NUP205: variants seen among roughly 807,000 people sequenced by gnomAD.
NUP205 encodes the protein nuclear pore complex protein Nup205.
NUP205 carries 76 observed loss-of-function variants against 253.8 expected under a neutral mutation model. The ratio of observed to expected loss-of-function variants is 0.30; its 90% CI spans 0.25 to 0.36. NUP205 has a LOEUF of 0.36. NUP205 is among the 10% of genes least tolerant of loss of function. The pLI is 1.00. For synonymous variants in NUP205, 832 were observed against 850.1 expected (o/e 0.98, Z 0.37); for missense variants, 2,162 against 2,425.5 (o/e 0.89, Z 2.28).
At chr7:135,614,369 T>G in intron 23 of NUP205, 96 bp downstream of exon 23, 1 of 681,344 alleles carries the variant, frequency 1.5e-6, no homozygotes, top group South Asian at 1.8e-5. Context: ...CTGTTCTCAT[T>G]CTGATACTTT....
chr7:135,611,469 A>G (rs73725190), intron 22 of NUP205, among the ~76,000 whole-genome samples: 5,193 of 152,308 alleles, frequency 0.034, 119 homozygotes, highest in Middle Eastern at 0.1. Context: ...AAAACTGTTT[A>G]AAAGGTCAAT....
intron 35 of NUP205, among the ~76,000 whole-genome samples, chr7:135,632,524 T>A (rs1168124673): frequency 6.6e-6 from 1 of 152,018 alleles, no homozygotes; most frequent in East Asian, 1.9e-4. Flanking sequence ...CCCCAATAAT[T>A]TTTTTTGTCT....
chr7:135,636,290 A>G (rs1472559915), intron 36 of NUP205, among the ~76,000 whole-genome samples: 1 of 152,062 alleles, frequency 6.6e-6, no homozygotes, highest in Non-Finnish European at 1.5e-5. Flanking sequence ...TGATACAACA[A>G]TTTTCTTAAC....
chr7:135,594,608 T>C lies in NUP205; in HGVS notation c.1892T>C (p.Leu631Pro). The change falls in exon 13 of 43, where the codon CTG (leucine) becomes CCG (proline). Residue 631 changes from leucine (L) to proline (P), a missense_variant. Around this residue, in one of 5 missense-constraint regions of NUP205, gnomAD observed 892 missense variants for 957.1 expected, o/e 0.93. Transcript: ENST00000285968. ...CAGTGGACCCCTGTTGTGGTGATTC[T>C]GGGACTCCTCCAATGCAGTATTCCC... Reference protein sequence around the residue: ...HPQWTPVVVILGLLQCSIPPV... With the variant: ...HPQWTPVVVIPGLLQCSIPPV... 1.2e-6 allele frequency: 2 copies of C among 1,613,796 alleles called. No homozygotes were observed. The highest frequency in any genetic ancestry group is 1.7e-6 in the Non-Finnish European group (2 of 1,179,790).
intron 7 of NUP205, among the ~76,000 whole-genome samples, chr7:135,580,324 G>A (rs998855620): frequency 2.0e-5 from 3 of 152,100 alleles, no homozygotes; most frequent in African/African-American, 7.2e-5. Flanking sequence ...TCTAAATGCT[G>A]ATAGCGAATT....
Position 135,584,920 on chromosome 7 carries a change from G to A in NUP205, c.1131G>A (p.Val377=). Residue 377 remains valine (V), a synonymous_variant, in exon 8 of 43, where the codon GTG becomes GTA. Transcript: ENST00000285968. ...TCCTGTTCCTCATGGAATCTGTAGTGGTATCAGAATACTTTTATCAGGAAG... is the reference window on the plus strand; with the variant it reads ...TCCTGTTCCTCATGGAATCTGTAGTAGTATCAGAATACTTTTATCAGGAAG... ...NVFLFLMESV[V]VSEYFYQEEF... is the part of the protein sequence containing the mutation. The A allele has an allele frequency of 6.2e-7, 1 of 1,613,376 alleles. No homozygotes were observed. Among genetic ancestry groups the A allele is most frequent in the African/African-American group, 1.3e-5 (1 of 74,996 alleles).
intron 7 of NUP205, 94 bp downstream of exon 7, chr7:135,579,009 A>G (rs1584645667): frequency 6.3e-6 from 6 of 945,098 alleles, no homozygotes; most frequent in East Asian, 5.2e-5. Flanking sequence ...ATACATAAGC[A>G]TAAGCATAGG....
chr7:135,587,055 G>GTT (rs541860736), intron 8 of NUP205, among the ~76,000 whole-genome samples: 9 of 141,368 alleles, frequency 6.4e-5, no homozygotes, highest in South Asian at 2.2e-4. Flanking sequence ...GTCTAGCTAT[G>GTT]TTTTTTTTTT....
At chr7:135,563,313 T>A (rs1022869588) in intron 1 of NUP205, among the ~76,000 whole-genome samples, 1 of 151,628 alleles carries the variant, frequency 6.6e-6, no homozygotes, top group Non-Finnish European at 1.5e-5. Context: ...TCAGCCTCCC[T>A]AGCAGCTGGG....
intron 1 of NUP205, among the ~76,000 whole-genome samples, chr7:135,561,150 G>T (rs1805570002): frequency 6.6e-6 from 1 of 152,076 alleles, no homozygotes; most frequent in South Asian, 2.1e-4. Flanking sequence ...TTCGAGACCA[G>T]CCTGGCCAAC....
chr7:135,626,820 CGATTTGAATGTGGAAAATTT>C (rs1468840340), intron 33 of NUP205, among the ~76,000 whole-genome samples: 37 of 152,152 alleles, frequency 2.4e-4, no homozygotes, highest in African/African-American at 8.7e-4. Flanking sequence ...GTTTCACATT[CGATTTGAATGTGGAAAATTT>C]GATTTGATTT....
At chr7:135,622,582 G>A (rs1407884836) in intron 30 of NUP205, among the ~76,000 whole-genome samples, 195 bp from the exon 31 acceptor site, 3 of 151,972 alleles carry the variant, frequency 2.0e-5, no homozygotes, top group African/African-American at 7.3e-5. Flanking sequence ...CATGAAATAG[G>A]TGCATTGTGT....
At chr7:135,561,917 C>CTCCTTCCTTCCT (rs755809128) in intron 1 of NUP205, among the ~76,000 whole-genome samples, 4,576 of 147,638 alleles carry the variant, frequency 0.031, 100 homozygotes, top group Non-Finnish European at 0.041. Flanking sequence ...CCTTCCTTCC[C>CTCCTTCCTTCCT]TCCTTCCTTC....
chr7:135,606,138 A>G lies in NUP205; in HGVS notation c.2824-7A>G. 6.3e-7 allele frequency: 1 copy of G among 1,588,676 alleles called. No individual in the cohort carries two copies. Among genetic ancestry groups the G allele is most frequent in the Non-Finnish European group, 8.6e-7 (1 of 1,158,100 alleles). ...ATTTGTCATTTTTTACCTTCATGTTACTTCAGAGTATAAGTCAGAAACTAA... is the reference window on the plus strand; with the variant it reads ...ATTTGTCATTTTTTACCTTCATGTTGCTTCAGAGTATAAGTCAGAAACTAA... On this transcript the variant is annotated splice_polypyrimidine_tract_variant and splice_region_variant and intron_variant, in intron 19 of 42. Coordinates refer to ENST00000285968, the MANE Select transcript of NUP205 (RefSeq NM_015135.3).
chr7:135,606,256 A>G (rs370782741), intron 20 of NUP205, 30 bp downstream of exon 20: 83 of 1,331,628 alleles, frequency 6.2e-5, no homozygotes, highest in Non-Finnish European at 8.6e-5. Context: ...GCATACACGC[A>G]TTCTTTTACT....
intron 38 of NUP205, among the ~76,000 whole-genome samples, chr7:135,639,083 A>T (rs1252434065): frequency 6.6e-6 from 1 of 152,188 alleles, no homozygotes; most frequent in Non-Finnish European, 1.5e-5. Flanking sequence ...ACATAACGAA[A>T]TACAATTTAG....
At chr7:135,572,939 T>C (rs1424482344) in intron 2 of NUP205, among the ~76,000 whole-genome samples, 2 of 151,306 alleles carry the variant, frequency 1.3e-5, no homozygotes, top group East Asian at 1.9e-4. Context: ...TTTTGCTTTT[T>C]AGCTTTTTTT....
intron 35 of NUP205, among the ~76,000 whole-genome samples, chr7:135,634,760 G>A (rs961046562): frequency 2.6e-5 from 4 of 152,124 alleles, no homozygotes; most frequent in Non-Finnish European, 5.9e-5. Context: ...GAGGTATAAC[G>A]AGCCCACATG....
chr7:135,638,780 T>C, intron 38 of NUP205, 97 bp downstream of exon 38: 2 of 1,197,450 alleles, frequency 1.7e-6, no homozygotes, highest in South Asian at 2.6e-5. Flanking sequence ...GTATTTTCTT[T>C]TAAGTGTCAT....
Sources: gnomAD v4.1 joint callset for allele counts (sites outside exome capture counted in the v4.1 genomes callset) on GRCh38, gnomAD v4.1.1 for gene constraint, gnomAD v4.1.1 regional missense constraint, MANE v1.5 for transcripts, NCBI Gene and HGNC (gene_info 2026-07-23, HGNC 2026-07-21) for gene names.